CCDC92B: variants seen among roughly 807,000 people sequenced by gnomAD.
CCDC92B encodes coiled-coil domain containing 92B.
CCDC92B carries 2 observed loss-of-function variants against 5.6 expected under a neutral mutation model. The ratio of observed to expected loss-of-function variants is 0.36; its 90% CI spans 0.15 to 1.12. The LOEUF is 1.12. Ranked by LOEUF, CCDC92B falls within the 50% of genes most tolerant of loss-of-function variation. CCDC92B has a pLI of 0.40. For missense variants in CCDC92B, 271 were observed against 262.2 expected (o/e 1.03, Z -0.23); for synonymous variants, 115 against 122.3 (o/e 0.94, Z 0.39).
intron 1 of CCDC92B, among the ~76,000 whole-genome samples, chr17:2,735,401 G>T (rs1282048212): frequency 6.6e-6 from 1 of 152,164 alleles, no homozygotes; most frequent in African/African-American, 2.4e-5. Context: ...GGCCCAGAGG[G>T]CAATGGCTTC....
intron 3 of CCDC92B, among the ~76,000 whole-genome samples, chr17:2,728,560 AC>A (rs1567611778): frequency 6.6e-6 from 1 of 150,854 alleles, no homozygotes; most frequent in African/African-American, 2.4e-5. Flanking sequence ...CCGAGACCGC[AC>A]CACTGCACTC....
At position 2,723,066 on chromosome 17, in the gene CCDC92B, T is replaced by C. The variant is rs1417458009; in HGVS notation, c.*1345A>G. 1.3e-5 allele frequency: 2 copies of C among 152,686 alleles called. No individual in the cohort carries two copies. The highest frequency in any genetic ancestry group is 6.5e-5 in the Admixed American group (1 of 15,296). 9.5% of individuals were successfully genotyped at this position (152,686 alleles called of 1,614,324 possible). On this transcript the variant is annotated 3_prime_UTR_variant, in exon 4 of 4. Transcript: ENST00000614400. ...GCAGCCCGCCACTGCCAGATTCTGATAGGTTTAGGGGCATCCGTGGAGGGG... is the reference window on the plus strand; with the variant it reads ...GCAGCCCGCCACTGCCAGATTCTGACAGGTTTAGGGGCATCCGTGGAGGGG...
chr17:2,725,123 A>C, intron 3 of CCDC92B, 123 bp from the exon 4 acceptor site: 1 of 985,598 alleles, frequency 1.0e-6, no homozygotes. Flanking sequence ...CTGCAATCCC[A>C]GCACTTTGGG....
At position 2,740,267 on chromosome 17, in the gene CCDC92B, C is replaced by T. The variant is rs537451701; in HGVS notation, c.-23-5099G>A. On this transcript the variant is annotated intron_variant, in intron 1 of 3. Transcript: ENST00000614400. ...ATTTCACCCCTGTGATTAGGCTATA[C>T]ACAAAGGTAAAGGGATCCTGCAGAT... Among the ~76,000 whole-genome samples the T allele has an allele frequency of 7.2e-5, 11 of 152,032 alleles. No homozygotes were observed. In the South Asian group the frequency reaches 2.1e-3, roughly 29 times the overall value.
intron 2 of CCDC92B, among the ~76,000 whole-genome samples, chr17:2,732,262 CCT>C (rs1364412773): frequency 1.3e-5 from 2 of 152,188 alleles, no homozygotes; most frequent in Non-Finnish European, 2.9e-5. Flanking sequence ...ACCAGCCTCT[CCT>C]CTCTCCCAAC....
rs924808389 is a variant in CCDC92B at position 2,724,271 on chromosome 17, G to T, written c.*140C>A. The T allele has an allele frequency of 3.0e-6, 3 of 985,230 alleles. No individual in the cohort carries two copies. The highest frequency in any genetic ancestry group is 3.6e-6 in the Non-Finnish European group (3 of 829,892). 61.0% of individuals were successfully genotyped at this position (985,230 alleles called of 1,614,324 possible). On this transcript the variant is annotated 3_prime_UTR_variant, in exon 4 of 4. Coordinates refer to ENST00000614400, the MANE Select transcript of CCDC92B (RefSeq NM_001355573.2). This position sits in a 1 kb window ranked among gnomAD's most constrained non-coding sequence, Gnocchi z 5.0. ...CAAAAGGCTGGCGGTTCGGGGATTT[G>T]GGGGGAGCCGGGGCCGCCTCGCCCC...
chr17:2,739,454 G>A (rs931045258), intron 1 of CCDC92B, among the ~76,000 whole-genome samples: 1 of 151,704 alleles, frequency 6.6e-6, no homozygotes, highest in Admixed American at 6.6e-5. Context: ...GCAGAGGCAG[G>A]CAGATCAGGA....
chr17:2,733,691 G>C (rs991941707), intron 2 of CCDC92B, among the ~76,000 whole-genome samples: 1 of 147,576 alleles, frequency 6.8e-6, no homozygotes, highest in Middle Eastern at 3.4e-3. Context: ...TGTGGCGGCT[G>C]ACCCTGTCTG....
At chr17:2,727,803 GCC>G (rs1277684277) in intron 3 of CCDC92B, among the ~76,000 whole-genome samples, 1 of 147,410 alleles carries the variant, frequency 6.8e-6, no homozygotes, top group African/African-American at 2.5e-5. Context: ...CAGCCTGGGC[GCC>G]AGAGTGAGAC....
At position 2,735,015 on chromosome 17, in the gene CCDC92B, C is replaced by T; in HGVS notation, c.130+1G>A. The T allele has an allele frequency of 1.0e-6, 1 of 985,580 alleles. No homozygotes were observed. Among genetic ancestry groups the T allele is most frequent in the Non-Finnish European group, 1.2e-6 (1 of 830,026 alleles). The allele number at this position is 985,580 out of a possible 1,614,324, so 61.1% of individuals were successfully genotyped here. A position where few individuals can be genotyped will look rare whatever the true frequency, so the allele number is the denominator to read the frequency against. ...CGTCCAGCCGCCTCTCCTGGCCTCA[C>T]CTGAGCAGCGTTTCTGCAGCCTCAG... is the stretch of plus-strand genomic sequence containing the variant. On this transcript the variant is annotated splice_donor_variant, in intron 2 of 3. Coordinates refer to ENST00000614400, the MANE Select transcript of CCDC92B (RefSeq NM_001355573.2). LOFTEE classifies it high-confidence loss of function.
chr17:2,735,083 T>C lies in CCDC92B; in HGVS notation c.63A>G (p.Lys21=), dbSNP rs1380042703. 2.4e-5 allele frequency: 24 copies of C among 985,408 alleles called. No homozygotes were observed. The highest frequency in any genetic ancestry group is 2.5e-5 in the Non-Finnish European group (21 of 830,020). 61.0% of individuals were successfully genotyped at this position (985,408 alleles called of 1,614,324 possible). The change falls in exon 2 of 4, where the codon AAA becomes AAG. Residue 21 remains lysine, a synonymous_variant. Coordinates refer to ENST00000614400, the MANE Select transcript of CCDC92B (RefSeq NM_001355573.2). ...QSVQRHISFL[K]KEQMALLRDL... ...CTCGCAGCAGGGCCATCTGCTCCTT[T>C]TTCAGGAAGCTGATGTGGCGTTGCA... is the stretch of plus-strand genomic sequence containing the variant.
chr17:2,728,691 T>C (rs4790359), intron 3 of CCDC92B, among the ~76,000 whole-genome samples: 119,639 of 152,058 alleles, frequency 0.79, 55,119 homozygotes, highest in East Asian at 1. Context: ...CCCTTTCAGA[T>C]AAAGGACAGT....
Position 2,724,132 on chromosome 17 carries a change from C to G in CCDC92B, c.*279G>C. On this transcript the variant is annotated 3_prime_UTR_variant, in exon 4 of 4. Coordinates refer to ENST00000614400, the MANE Select transcript of CCDC92B (RefSeq NM_001355573.2). This position sits in a 1 kb window ranked among gnomAD's most constrained non-coding sequence, Gnocchi z 5.0. ...CTCCTGTCTCACAGGCAGGTGGGAC[C>G]AGGCCAGGATCGGGACGGCGAGTCC... 1.0e-6 allele frequency: 1 copy of G among 985,380 alleles called. No homozygotes were observed. Among genetic ancestry groups the G allele is most frequent in the Non-Finnish European group, 1.2e-6 (1 of 829,910 alleles). The allele number at this position is 985,380 out of a possible 1,614,324, so 61.0% of individuals were successfully genotyped here. A position where few individuals can be genotyped will look rare whatever the true frequency, so the allele number is the denominator to read the frequency against.
chr17:2,724,045 C>G lies in CCDC92B; in HGVS notation c.*366G>C. On this transcript the variant is annotated 3_prime_UTR_variant, in exon 4 of 4. Transcript: ENST00000614400. This position sits in a 1 kb window ranked among gnomAD's most constrained non-coding sequence, Gnocchi z 5.0. Reference sequence around the variant, plus strand: ...TCTGCGTCCCTTTCCGTAGGCGAGCCCAGCCCTCCCCACCCCACCAAGGAT... The same window carrying G: ...TCTGCGTCCCTTTCCGTAGGCGAGCGCAGCCCTCCCCACCCCACCAAGGAT... 1.0e-6 allele frequency: 1 copy of G among 983,794 alleles called. No individual in the cohort carries two copies. Among genetic ancestry groups the G allele is most frequent in the Non-Finnish European group, 1.2e-6 (1 of 828,528 alleles). 60.9% of individuals were successfully genotyped at this position (983,794 alleles called of 1,614,324 possible).
rs1006064435 is a variant in CCDC92B, at chr17:2,721,603, A to G, written c.*2808T>C. 3 of 152,172 alleles carry G rather than the reference A, an allele frequency of 2.0e-5. No homozygotes were observed. The highest frequency in any genetic ancestry group is 1.5e-5 in the Non-Finnish European group (1 of 68,072). 9.4% of individuals were successfully genotyped at this position (152,172 alleles called of 1,614,324 possible). On this transcript the variant is annotated 3_prime_UTR_variant, in exon 4 of 4. Transcript: ENST00000614400. ...CTCCCAGTCTCGTTCTGCTGCACAG[A>G]GGGTTCTGTGCAGGCGGGTGGAGGG...
chr17:2,739,374 TAAATA>T (rs1212152267), intron 1 of CCDC92B, among the ~76,000 whole-genome samples: 1 of 141,014 alleles, frequency 7.1e-6, no homozygotes, highest in Non-Finnish European at 1.5e-5. Flanking sequence ...TCAAAATAAA[TAAATA>T]AAATAAAAAT....
chr17:2,730,795 G>A (rs1489919959), intron 2 of CCDC92B, among the ~76,000 whole-genome samples: 2 of 152,162 alleles, frequency 1.3e-5, no homozygotes, highest in Non-Finnish European at 2.9e-5. Flanking sequence ...GTGGGACTGA[G>A]GAGCCTGGCT....
At chr17:2,731,801 G>C (rs1435704673) in intron 2 of CCDC92B, among the ~76,000 whole-genome samples, 2 of 152,234 alleles carry the variant, frequency 1.3e-5, no homozygotes, top group East Asian at 1.9e-4. Flanking sequence ...TTGTGATGTA[G>C]CCCAGGGACC....
intron 1 of CCDC92B, among the ~76,000 whole-genome samples, chr17:2,741,871 C>T (rs538933976): frequency 2.7e-5 from 4 of 150,210 alleles, no homozygotes; most frequent in Non-Finnish European, 5.9e-5. Context: ...GGATCACAGG[C>T]GTGAGCCACC....
Sources: allele counts gnomAD v4.1 joint callset (sites outside exome capture counted in the v4.1 genomes callset), GRCh38; gene constraint gnomAD v4.1.1; non-coding constraint Gnocchi (gnomAD v3.1); transcripts MANE v1.5; gene names NCBI Gene and HGNC (gene_info 2026-07-23, HGNC 2026-07-21).